The following SNX29 variants were observed in gnomAD, a reference collection of about 807,000 sequenced individuals.
SNX29 encodes the protein sorting nexin-29.
A neutral mutation model predicts 102.1 loss-of-function variants in SNX29; 78 were observed. That is an observed-to-expected ratio of 0.76 (90% CI 0.64 to 0.92). SNX29 has a LOEUF of 0.92. Ranked by LOEUF, SNX29 falls within the 40% of genes least tolerant of loss-of-function variation. The pLI, the probability that SNX29 is intolerant of heterozygous loss-of-function variation, is 0.00. For synonymous variants in SNX29, 580 were observed against 414.5 expected (o/e 1.40, Z -4.85); for missense variants, 1,280 against 1,061.7 (o/e 1.21, Z -2.86).
intron 1 of SNX29, among the ~76,000 whole-genome samples, chr16:11,989,730 C>G (rs1199289107): frequency 1.3e-5 from 2 of 152,178 alleles, no homozygotes; most frequent in African/African-American, 4.8e-5. Flanking sequence ...TGTCCGAGAG[C>G]TCACAATGCA....
intron 15 of SNX29, among the ~76,000 whole-genome samples, chr16:12,304,479 T>G (rs1247702423): frequency 6.6e-6 from 1 of 152,242 alleles, no homozygotes; most frequent in Non-Finnish European, 1.5e-5. Context: ...TGCAGTTTGT[T>G]GAAATAGAAT....
Position 12,299,720 on chromosome 16 carries a change from C to A in SNX29, c.1782+21684C>A, listed in dbSNP as rs181540379. 1.2e-3 allele frequency among the ~76,000 whole-genome samples: 179 copies of A among 151,960 alleles called. 1 individual carries two copies. Among genetic ancestry groups the A allele is most frequent in the Middle Eastern group, 6.8e-3 (2 of 292 alleles). ...TTCCCTCCCTTTCCCCCACCCCATC[C>A]CTTCTTTTTTAGTAGACTATATATT... On this transcript the variant is annotated intron_variant, in intron 15 of 20. Coordinates refer to ENST00000566228, the MANE Select transcript of SNX29 (RefSeq NM_032167.5).
At chr16:12,350,496 G>A (rs181062496) in intron 15 of SNX29, among the ~76,000 whole-genome samples, 8 of 152,208 alleles carry the variant, frequency 5.3e-5, no homozygotes, top group South Asian at 2.1e-4. Context: ...GGACCAATCC[G>A]CCACCCATAC....
intron 15 of SNX29, among the ~76,000 whole-genome samples, chr16:12,286,943 G>A (rs1013134853): frequency 3.3e-5 from 5 of 152,176 alleles, no homozygotes; most frequent in African/African-American, 9.7e-5. Flanking sequence ...TAAAAAGCCT[G>A]TTAAAAGAGG....
intron 18 of SNX29, among the ~76,000 whole-genome samples, chr16:12,431,431 C>T (rs1012147275): frequency 4.8e-5 from 7 of 144,968 alleles, no homozygotes; most frequent in East Asian, 4.5e-4. Context: ...TCTTCTTCTT[C>T]TTCTTTTTTT....
intron 15 of SNX29, among the ~76,000 whole-genome samples, chr16:12,333,060 C>T (rs1029810674): frequency 6.6e-6 from 1 of 151,278 alleles, no homozygotes; most frequent in Non-Finnish European, 1.5e-5. Flanking sequence ...GGATATTTAG[C>T]AGTGTGCATT....
At chr16:12,544,781 G>A (rs2077511210) in intron 20 of SNX29, among the ~76,000 whole-genome samples, 1 of 152,192 alleles carries the variant, frequency 6.6e-6, no homozygotes. Context: ...CTGGTAAACT[G>A]CAGAGCCAGG....
intron 20 of SNX29, among the ~76,000 whole-genome samples, chr16:12,535,919 C>G (rs1337515940): frequency 1.3e-5 from 2 of 152,170 alleles, no homozygotes; most frequent in African/African-American, 2.4e-5. Flanking sequence ...GAAGAAAGGG[C>G]TAGAAAATGG....
chr16:12,270,684 A>G (rs1382897747), intron 14 of SNX29, among the ~76,000 whole-genome samples: 1 of 152,070 alleles, frequency 6.6e-6, no homozygotes, highest in African/African-American at 2.4e-5. Flanking sequence ...TTTTTTGTGC[A>G]TGTCATCTAC....
chr16:12,416,570 C>T (rs143095827), intron 18 of SNX29, among the ~76,000 whole-genome samples: 110 of 152,280 alleles, frequency 7.2e-4, no homozygotes, highest in African/African-American at 2.5e-3. Context: ...GAACACCTGA[C>T]GCTGGGTAGT....
intron 15 of SNX29, among the ~76,000 whole-genome samples, chr16:12,328,210 A>T (rs2081181427): frequency 6.6e-6 from 1 of 152,150 alleles, no homozygotes; most frequent in African/African-American, 2.4e-5. Flanking sequence ...TTGTTCTTTT[A>T]TCCTAGCTGT....
At chr16:12,385,036 G>A (rs1023548086) in intron 16 of SNX29, among the ~76,000 whole-genome samples, 4 of 152,204 alleles carry the variant, frequency 2.6e-5, no homozygotes, top group Admixed American at 6.5e-5. Flanking sequence ...TGGGCATGGC[G>A]GCGCACGCCT....
intron 19 of SNX29, among the ~76,000 whole-genome samples, chr16:12,520,496 G>A (rs771957444): frequency 1.3e-5 from 2 of 152,174 alleles, no homozygotes; most frequent in African/African-American, 4.8e-5. Flanking sequence ...GACCAGCCTT[G>A]GCTGTGCTGT....
chr16:12,550,440 C>T (rs1318399004), intron 20 of SNX29, among the ~76,000 whole-genome samples: 1 of 149,450 alleles, frequency 6.7e-6, no homozygotes, highest in African/African-American at 2.5e-5. Context: ...GAGGCTGAGG[C>T]AGGAGAATCA....
intron 13 of SNX29, among the ~76,000 whole-genome samples, chr16:12,151,828 C>T (rs1214978278): frequency 1.3e-5 from 2 of 152,162 alleles, no homozygotes; most frequent in South Asian, 2.1e-4. Context: ...CTCTGCCTCC[C>T]GGGTTCAAGT....
chr16:12,148,826 T>C lies in SNX29; in HGVS notation c.1595+19068T>C, dbSNP rs959039912. 1.5e-4 allele frequency among the ~76,000 whole-genome samples: 23 copies of C among 152,208 alleles called. No individual in the cohort carries two copies. In the South Asian group the frequency reaches 2.7e-3, roughly 18 times the overall value. ...GATTCTGCTGCCTCAACCTCCTGAGTAGCTGGGATTACAGGCATGTGGCAC... is the reference window on the plus strand; with the variant it reads ...GATTCTGCTGCCTCAACCTCCTGAGCAGCTGGGATTACAGGCATGTGGCAC... On this transcript the variant is annotated intron_variant, in intron 13 of 20. Transcript: ENST00000566228.
At chr16:12,237,781 G>A (rs1278995616) in intron 14 of SNX29, among the ~76,000 whole-genome samples, 2 of 152,216 alleles carry the variant, frequency 1.3e-5, no homozygotes, top group Admixed American at 1.3e-4. Flanking sequence ...GGTGGCAGGT[G>A]CCTGTAATCC....
intron 17 of SNX29, among the ~76,000 whole-genome samples, chr16:12,402,467 C>T (rs972736658): frequency 2.6e-5 from 4 of 152,302 alleles, no homozygotes; most frequent in South Asian, 4.1e-4. Flanking sequence ...AGGCGAAGGC[C>T]GGGACCTTAC....
chr16:12,002,149 C>T (rs887266783), intron 2 of SNX29, among the ~76,000 whole-genome samples: 2 of 151,482 alleles, frequency 1.3e-5, no homozygotes, highest in African/African-American at 4.9e-5. Context: ...TTTACTAATT[C>T]AAAAAGTAGC....
Sources: gnomAD v4.1 joint callset for allele counts (sites outside exome capture counted in the v4.1 genomes callset) on GRCh38, gnomAD v4.1.1 for gene constraint, MANE v1.5 for transcripts, NCBI Gene and HGNC (gene_info 2026-07-23, HGNC 2026-07-21) for gene names.